RAD51B: variants seen among roughly 807,000 people sequenced by gnomAD.
RAD51B encodes RAD51 paralog B, also known as DNA repair protein RAD51 homolog 2.
A neutral mutation model predicts 42.2 loss-of-function variants in RAD51B; 38 were observed. That is an observed-to-expected ratio of 0.90 (90% CI 0.70 to 1.18). The LOEUF (loss-of-function observed/expected upper bound fraction) is 1.18. Among genes scored for constraint, RAD51B ranks in the 50% most tolerant of loss-of-function variants. RAD51B has a pLI of 0.00. For synonymous variants in RAD51B, 154 were observed against 145.2 expected, an observed-to-expected ratio of 1.06 and a Z score of -0.43; for missense variants, 373 against 400.7, an observed-to-expected ratio of 0.93 and a Z score of 0.59.
At chr14:67,903,392 A>G (rs2043677173) in intron 7 of RAD51B, among the ~76,000 whole-genome samples, 1 of 152,206 alleles carries the variant, frequency 6.6e-6, no homozygotes, top group Non-Finnish European at 1.5e-5. Context: ...AAGAAGTTAA[A>G]TAACTAATAT....
chr14:68,461,248 G>A (rs988252980), intron 9 of RAD51B, among the ~76,000 whole-genome samples: 2 of 151,244 alleles, frequency 1.3e-5, no homozygotes, highest in Non-Finnish European at 2.9e-5. Flanking sequence ...GACTGCCAGT[G>A]TGGAAGCTTG....
At chr14:67,961,947 C>CACACATACACAT (rs2074678369) in intron 7 of RAD51B, among the ~76,000 whole-genome samples, 1 of 152,140 alleles carries the variant, frequency 6.6e-6, no homozygotes, top group African/African-American at 2.4e-5. Context: ...CATGTATATG[C>CACACATACACAT]ACACATACAC....
intron 10 of RAD51B, among the ~76,000 whole-genome samples, chr14:68,553,445 T>A (rs1355595110): frequency 1.3e-5 from 2 of 152,010 alleles, no homozygotes; most frequent in Non-Finnish European, 2.9e-5. Context: ...AGGAAGAAGT[T>A]CATATTTTTG....
At chr14:67,982,438 A>G (rs1351699827) in intron 7 of RAD51B, among the ~76,000 whole-genome samples, 1 of 152,144 alleles carries the variant, frequency 6.6e-6, no homozygotes, top group African/African-American at 2.4e-5. Flanking sequence ...ATAACAATGA[A>G]CATATACATT....
chr14:68,645,343 G>T (rs1376582928), intron 10 of RAD51B, among the ~76,000 whole-genome samples: 1 of 152,090 alleles, frequency 6.6e-6, no homozygotes, highest in African/African-American at 2.4e-5. Context: ...CATTTTTAAG[G>T]GTGGATAATA....
chr14:68,405,430 G>A (rs537355793), intron 8 of RAD51B, among the ~76,000 whole-genome samples: 26 of 152,046 alleles, frequency 1.7e-4, no homozygotes, highest in African/African-American at 5.8e-4. Context: ...GGCAATAAGG[G>A]AGACCCTTTC....
chr14:68,577,448 CACAGTCAAATGTAAA>C (rs753902723), intron 10 of RAD51B, among the ~76,000 whole-genome samples: 55 of 151,964 alleles, frequency 3.6e-4, no homozygotes, highest in Admixed American at 3.3e-4. Flanking sequence ...TAGATGCTTC[CACAGTCAAATGTAAA>C]ATTATTCATG....
chr14:68,350,941 T>C (rs994450737), intron 8 of RAD51B, among the ~76,000 whole-genome samples: 2 of 152,268 alleles, frequency 1.3e-5, no homozygotes, highest in African/African-American at 4.8e-5. Context: ...ATAGTGTGAC[T>C]ATCCAACATG....
At chr14:67,893,465 CAG>C (rs1376969140) in intron 7 of RAD51B, among the ~76,000 whole-genome samples, 10 of 104,606 alleles carry the variant, frequency 9.6e-5, no homozygotes, top group South Asian at 3.4e-4. Flanking sequence ...CACACAGACA[CAG>C]ACACACACAC....
chr14:68,047,266 A>T (rs2076317103), intron 7 of RAD51B, among the ~76,000 whole-genome samples: 1 of 152,186 alleles, frequency 6.6e-6, no homozygotes, highest in Admixed American at 6.5e-5. Context: ...TATGAGAAGA[A>T]AAGTGGTCTT....
chr14:67,831,622 C>T lies in RAD51B; in HGVS notation c.199-3458C>T, dbSNP rs181533575. 5.5e-4 allele frequency among the ~76,000 whole-genome samples: 84 copies of T among 152,200 alleles called. No homozygotes were observed. In the East Asian group the frequency reaches 0.01, roughly 19 times the overall value. On this transcript the variant is annotated intron_variant, in intron 3 of 10. Coordinates refer to ENST00000471583, the MANE Select transcript of RAD51B (RefSeq NM_133510.4). ...CGTGATCTTGGCTCACCGCAACCTC[C>T]GCCTCCCGGGTTCAAGTGATGATCC... is the stretch of plus-strand genomic sequence containing the variant.
rs530354994 is a variant in RAD51B, at chr14:68,443,096, A to G, written c.958-25076A>G. On this transcript the variant is annotated intron_variant, in intron 9 of 10. Transcript: ENST00000471583. ...CTTAAGCATTTGCCTTTCCTCCTCA[A>G]TAACAGTGAAAGGACTGAAAAATAA... Among the ~76,000 whole-genome samples the G allele has an allele frequency of 7.9e-5, 12 of 152,312 alleles. No homozygotes were observed. In the South Asian group the frequency reaches 2.1e-3, roughly 26 times the overall value.
intron 7 of RAD51B, among the ~76,000 whole-genome samples, chr14:67,918,856 T>A (rs1387131550): frequency 6.6e-6 from 1 of 152,188 alleles, no homozygotes; most frequent in Non-Finnish European, 1.5e-5. Context: ...CCTAAAGATA[T>A]TTTTTTAGCA....
intron 9 of RAD51B, among the ~76,000 whole-genome samples, chr14:68,452,764 AT>A (rs2085589660): frequency 6.6e-6 from 1 of 152,302 alleles, no homozygotes; most frequent in Admixed American, 6.5e-5. Context: ...AATTTCTTTC[AT>A]CTCTTTAATC....
chr14:68,353,583 A>G (rs1241714864), intron 8 of RAD51B, among the ~76,000 whole-genome samples: 1 of 152,194 alleles, frequency 6.6e-6, no homozygotes, highest in African/African-American at 2.4e-5. Flanking sequence ...GCAAGGTGAG[A>G]TGAAAAATCA....
At chr14:68,368,235 C>T (rs1000388414) in intron 8 of RAD51B, among the ~76,000 whole-genome samples, 1 of 152,156 alleles carries the variant, frequency 6.6e-6, no homozygotes, top group Non-Finnish European at 1.5e-5. Context: ...CCCTGTGAGG[C>T]AGGTGTTTTA....
At chr14:68,589,146 G>A (rs563423323) in intron 10 of RAD51B, among the ~76,000 whole-genome samples, 146 of 152,256 alleles carry the variant, frequency 9.6e-4, no homozygotes, top group African/African-American at 3.1e-3. Flanking sequence ...AATTACTGGC[G>A]GATTAAGTAA....
intron 8 of RAD51B, among the ~76,000 whole-genome samples, chr14:68,363,728 C>T (rs990553781): frequency 6.6e-5 from 10 of 152,188 alleles, no homozygotes; most frequent in Admixed American, 1.3e-4. Flanking sequence ...GTCTTTCTCC[C>T]GGCGGGGAGT....
intron 7 of RAD51B, among the ~76,000 whole-genome samples, chr14:68,117,481 G>A (rs2077570539): frequency 6.6e-6 from 1 of 152,152 alleles, no homozygotes; most frequent in South Asian, 2.1e-4. Flanking sequence ...CTGCCTGCAG[G>A]CTGCTTGTTC....
Sources: gnomAD v4.1 joint callset for allele counts (sites outside exome capture counted in the v4.1 genomes callset) on GRCh38, gnomAD v4.1.1 for gene constraint, MANE v1.5 for transcripts, NCBI Gene and HGNC (gene_info 2026-07-23, HGNC 2026-07-21) for gene names.